The following ATP6V0A4 variants were observed in gnomAD, a reference collection of about 807,000 sequenced individuals.
ATP6V0A4 encodes the protein ATPase H+ transporting V0 subunit a4, also known as V-type proton ATPase 116 kDa subunit a 4.
ATP6V0A4 carries 86 observed loss-of-function variants against 107.3 expected under a neutral mutation model. That is an observed-to-expected ratio of 0.80 (90% confidence interval 0.67 to 0.96). The LOEUF (loss-of-function observed/expected upper bound fraction) is 0.96, where lower values mean the gene tolerates loss of function less well. ATP6V0A4 is among the 40% of genes least tolerant of loss of function. The pLI, the probability that ATP6V0A4 is intolerant of heterozygous loss-of-function variation, is 0.00. For synonymous variants in ATP6V0A4, 353 were observed against 381.4 expected (o/e 0.93, Z 0.87); for missense variants, 908 against 1,045.6 (o/e 0.87, Z 1.81).
intron 10 of ATP6V0A4, among the ~76,000 whole-genome samples, chr7:138,753,094 C>T (rs2117292219): frequency 6.6e-6 from 1 of 152,324 alleles, no homozygotes; most frequent in East Asian, 1.9e-4. Context: ...GAATTGTCCA[C>T]ATAAAAGAGT....
intron 21 of ATP6V0A4, 66 bp downstream of exon 21, chr7:138,709,558 G>A: frequency 6.7e-7 from 1 of 1,498,670 alleles, no homozygotes; most frequent in Non-Finnish European, 9.3e-7. Context: ...AACCCAGTCG[G>A]CTGGCCCCAC....
chr7:138,780,618 G>A (rs975252993), intron 2 of ATP6V0A4, among the ~76,000 whole-genome samples: 8 of 152,180 alleles, frequency 5.3e-5, no homozygotes, highest in Non-Finnish European at 1.0e-4. Context: ...CTGAGCCCAC[G>A]CACAACCTCC....
At chr7:138,738,439 A>G (rs1805456965) in intron 15 of ATP6V0A4, among the ~76,000 whole-genome samples, 1 of 152,238 alleles carries the variant, frequency 6.6e-6, no homozygotes, top group Admixed American at 6.5e-5. Context: ...AGGAAGATCA[A>G]CCAGACCCTA....
At chr7:138,722,864 G>A (rs1208603173) in intron 18 of ATP6V0A4, among the ~76,000 whole-genome samples, 1 of 150,088 alleles carries the variant, frequency 6.7e-6, no homozygotes, top group African/African-American at 2.5e-5. Context: ...TTCAAGACCA[G>A]CCTGGTCAAC....
intron 18 of ATP6V0A4, among the ~76,000 whole-genome samples, chr7:138,726,473 G>A (rs1562985932): frequency 6.6e-6 from 1 of 152,226 alleles, no homozygotes; most frequent in African/African-American, 2.4e-5. Context: ...TGTCACCAGG[G>A]CCACGCCACA....
chr7:138,706,507 C>T lies in ATP6V0A4; in HGVS notation c.*117G>A, dbSNP rs1803373040. 8 of 1,237,418 alleles carry T rather than the reference C, an allele frequency of 6.5e-6. No homozygotes were observed. The highest frequency in any genetic ancestry group is 1.5e-5 in the African/African-American group (1 of 67,026). The allele number at this position is 1,237,418 out of a possible 1,614,324, so 76.7% of individuals were successfully genotyped here. On this transcript the variant is annotated 3_prime_UTR_variant, in exon 22 of 22. Coordinates refer to ENST00000310018, the MANE Select transcript of ATP6V0A4 (RefSeq NM_020632.3). ...CGTCCAAATAATACACAGTTTCATG[C>T]TTCAGGTGAGCCAAGAACAACCTTC...
chr7:138,751,985 C>A (rs1272376143), intron 11 of ATP6V0A4, among the ~76,000 whole-genome samples: 2 of 151,980 alleles, frequency 1.3e-5, no homozygotes, highest in African/African-American at 2.4e-5. Flanking sequence ...TGCACTCCAG[C>A]CTGGGTGTCA....
intron 2 of ATP6V0A4, among the ~76,000 whole-genome samples, chr7:138,772,355 G>T (rs1807437159): frequency 6.6e-6 from 1 of 152,134 alleles, no homozygotes; most frequent in African/African-American, 2.4e-5. Flanking sequence ...CATCATTAGG[G>T]GAATGATTAA....
At chr7:138,792,766 GTTTTT>G (rs1202969668) in intron 1 of ATP6V0A4, among the ~76,000 whole-genome samples, 5 of 68,674 alleles carry the variant, frequency 7.3e-5, no homozygotes, top group South Asian at 1.0e-3. Context: ...ACTCAGGTTT[GTTTTT>G]TTTTTTGTTG....
intron 7 of ATP6V0A4, 86 bp from the exon 8 acceptor site, chr7:138,759,964 T>A: frequency 2.5e-6 from 4 of 1,604,666 alleles, no homozygotes; most frequent in Non-Finnish European, 3.4e-6. Flanking sequence ...AGACACACCA[T>A]GAAAGGAAGG....
intron 1 of ATP6V0A4, among the ~76,000 whole-genome samples, chr7:138,791,089 A>G (rs1311143439): frequency 6.6e-6 from 1 of 152,176 alleles, no homozygotes; most frequent in Admixed American, 6.6e-5. Context: ...TTTTAAAGGA[A>G]TTATATCCCC....
intron 8 of ATP6V0A4, among the ~76,000 whole-genome samples, chr7:138,759,399 G>T (rs540610587): frequency 9.9e-5 from 15 of 151,946 alleles, no homozygotes; most frequent in Non-Finnish European, 1.5e-5. Flanking sequence ...CTCTATGCTC[G>T]CGTGCACATT....
Position 138,732,793 on chromosome 7 carries a change from CAA to C in ATP6V0A4, c.1908+82_1908+83del, listed in dbSNP as rs1222586282. 3,225 of 1,088,950 alleles carry C rather than the reference CAA, an allele frequency of 3.0e-3. 20 individuals carry two copies. The African/African-American group carries it at 0.033, about 11-fold the overall frequency. 67.5% of individuals were successfully genotyped at this position (1,088,950 alleles called of 1,614,324 possible). ...TGGGTGACAGAGCAAGACTCTTTCT[CAA>C]AAAAAAAAAAAGAGTAGGAGAGAAA... On this transcript the variant is annotated intron_variant, in intron 17 of 21. Coordinates refer to ENST00000310018, the MANE Select transcript of ATP6V0A4 (RefSeq NM_020632.3).
rs71169054 is a variant in ATP6V0A4, at chr7:138,744,238, CTT to C, written c.1478+883_1478+884del. Among the ~76,000 whole-genome samples, 90 of 128,786 alleles carry C rather than the reference CTT, an allele frequency of 7.0e-4. No individual in the cohort carries two copies. The Middle Eastern group carries it at 0.013, about 18-fold the overall frequency. 84.5% of individuals were successfully genotyped at this position (128,786 alleles called of 152,430 possible). On this transcript the variant is annotated intron_variant, in intron 14 of 21. Transcript: ENST00000310018. ...ACAAAACCAACCATTTCCTCATCTG[CTT>C]TTTTTTTTTTTTTTTCAGTTGGAGT...
intron 15 of ATP6V0A4, among the ~76,000 whole-genome samples, chr7:138,738,225 A>G (rs544997781): frequency 2.0e-5 from 3 of 152,334 alleles, no homozygotes; most frequent in African/African-American, 7.2e-5. Context: ...TCACCCTGAC[A>G]TATTTTCTTT....
intron 2 of ATP6V0A4, among the ~76,000 whole-genome samples, chr7:138,785,866 C>T (rs1215183829): frequency 6.6e-6 from 1 of 152,182 alleles, no homozygotes; most frequent in Non-Finnish European, 1.5e-5. Flanking sequence ...AGGATCATCC[C>T]TGCCATGCAC....
chr7:138,718,368 A>G (rs1390309938), intron 19 of ATP6V0A4, among the ~76,000 whole-genome samples: 9 of 32,106 alleles, frequency 2.8e-4, no homozygotes, highest in African/African-American at 5.3e-4. Context: ...GAAGGGGGGA[A>G]TGCAGTCACG....
intron 14 of ATP6V0A4, among the ~76,000 whole-genome samples, chr7:138,742,222 T>G (rs1459033120): frequency 6.6e-6 from 1 of 151,056 alleles, no homozygotes; most frequent in Non-Finnish European, 1.5e-5. Flanking sequence ...AGGTCAGGAG[T>G]TCAAGACCAG....
At chr7:138,788,727 AG>A (rs1473977874) in intron 1 of ATP6V0A4, among the ~76,000 whole-genome samples, 1 of 152,212 alleles carries the variant, frequency 6.6e-6, no homozygotes, top group African/African-American at 2.4e-5. Flanking sequence ...TCATGGGGGC[AG>A]GTCTTTCCTG....
Sources: gnomAD v4.1 joint callset for allele counts (sites outside exome capture counted in the v4.1 genomes callset) on GRCh38, gnomAD v4.1.1 for gene constraint, MANE v1.5 for transcripts, NCBI Gene and HGNC (gene_info 2026-07-23, HGNC 2026-07-21) for gene names.